Variants in TBC1D13 observed in about 807,000 individuals in gnomAD.
TBC1D13 encodes epididymis secretory sperm binding protein.
TBC1D13 carries 40 observed loss-of-function variants against 53.6 expected under a neutral mutation model. That is an observed-to-expected ratio of 0.75 (90% CI 0.58 to 0.97). The LOEUF is 0.97. TBC1D13 is among the 50% of genes least tolerant of loss of function. The probability of loss-of-function intolerance (pLI) is 0.00; values close to 1 mark genes in which losing one functional copy is unlikely to be tolerated. For synonymous variants in TBC1D13, 182 were observed against 197.7 expected (o/e 0.92, Z 0.67); for missense variants, 377 against 499.4 (o/e 0.75, Z 2.34).
intron 6 of TBC1D13, among the ~76,000 whole-genome samples, chr9:128,794,791 G>A (rs1829598438): frequency 6.6e-6 from 1 of 151,466 alleles, no homozygotes; most frequent in Admixed American, 6.6e-5. Flanking sequence ...TGTTTTACAT[G>A]GGTAGTGATC....
At chr9:128,791,186 G>A (rs1829525615) in intron 3 of TBC1D13, among the ~76,000 whole-genome samples, 194 bp from the exon 4 acceptor site, 1 of 152,148 alleles carries the variant, frequency 6.6e-6, no homozygotes, top group African/African-American at 2.4e-5. Context: ...GGCTGGTTTG[G>A]GTTAAAGGAG....
intron 8 of TBC1D13, 85 bp downstream of exon 8, chr9:128,803,545 T>A: frequency 1.5e-6 from 2 of 1,304,170 alleles, no homozygotes; most frequent in Non-Finnish European, 2.2e-6. Flanking sequence ...GCCTCTGTTC[T>A]CCCTCTGCCA....
intron 11 of TBC1D13, among the ~76,000 whole-genome samples, 156 bp from the exon 12 acceptor site, chr9:128,807,658 G>A (rs1829861784): frequency 6.6e-6 from 1 of 152,180 alleles, no homozygotes; most frequent in East Asian, 1.9e-4. Flanking sequence ...TGCATGCAGG[G>A]GTCTGGGGGT....
chr9:128,787,262 C>G lies in TBC1D13; in HGVS notation c.-92C>G. On this transcript the variant is annotated 5_prime_UTR_variant, in exon 1 of 12. Coordinates refer to ENST00000372648, the MANE Select transcript of TBC1D13 (RefSeq NM_018201.5). ...CCCGCCGGAGGCTTTTGCGCAGAGC[C>G]CCGCGTCCCTGGGGGGCGGCGGCGG... The G allele has an allele frequency of 8.2e-7, 1 of 1,215,926 alleles. No homozygotes were observed. Among genetic ancestry groups the G allele is most frequent in the Non-Finnish European group, 1.0e-6 (1 of 959,546 alleles). The allele number at this position is 1,215,926 out of a possible 1,614,324, so 75.3% of individuals were successfully genotyped here. A position where few individuals can be genotyped will look rare whatever the true frequency, so the allele number is the denominator to read the frequency against.
chr9:128,787,396 G>A lies in TBC1D13; in HGVS notation c.23+20G>A, dbSNP rs1392301497. ...GAGCCGGTAAGGGGCCATGGGGCCT[G>A]ACCCGGCTGGGCCACTCCTGGCCAG... is the stretch of plus-strand genomic sequence containing the variant. On this transcript the variant is annotated intron_variant, in intron 1 of 11. Transcript: ENST00000372648. 2.4e-6 allele frequency: 3 copies of A among 1,256,858 alleles called. No homozygotes were observed. In the African/African-American group the frequency reaches 4.6e-5, roughly 19 times the overall value. The allele number at this position is 1,256,858 out of a possible 1,614,324, so 77.9% of individuals were successfully genotyped here.
At chr9:128,788,290 C>T (rs770294595) in intron 1 of TBC1D13, 44 bp from the exon 2 acceptor site, 16 of 1,576,292 alleles carry the variant, frequency 1.0e-5, no homozygotes, top group African/African-American at 2.7e-5. Flanking sequence ...TCTCACTGAG[C>T]CGATATCAGC....
intron 1 of TBC1D13, among the ~76,000 whole-genome samples, chr9:128,788,006 TG>T (rs1829461169): frequency 6.6e-6 from 1 of 152,216 alleles, no homozygotes; most frequent in Admixed American, 6.5e-5. Flanking sequence ...CGGCAGGAAG[TG>T]CCCAGTAAAT....
In TBC1D13 at chr9:128,804,738, T is replaced by TG. The variant is rs1271850053; in HGVS notation, c.918+619_918+620insG. ...TTTTTCTGTTTTTTTTTTTTTTTTTTTTTTTTTGAGAAGGACTCTCTCTCT... is the reference window on the plus strand; with the variant it reads ...TTTTTCTGTTTTTTTTTTTTTTTTTTGTTTTTTTGAGAAGGACTCTCTCTCT... On this transcript the variant is annotated intron_variant, in intron 9 of 11. Coordinates refer to ENST00000372648, the MANE Select transcript of TBC1D13 (RefSeq NM_018201.5). Among the ~76,000 whole-genome samples, 164 of 139,032 alleles carry TG rather than the reference T, an allele frequency of 1.2e-3. 1 individual carries two copies. The highest frequency in any genetic ancestry group is 3.9e-3 in the African/African-American group (147 of 37,830). The allele number at this position is 139,032 out of a possible 152,430, so 91.2% of individuals were successfully genotyped here.
In TBC1D13 at chr9:128,807,980, G is replaced by T; in HGVS notation, c.*101G>T. The stretch of plus-strand genomic sequence containing the variant: ...CTGTAGGAACCCAGCCTGAGGGGAA[G>T]CCACAGGATCGGCCCGAGACCCAGG... On this transcript the variant is annotated 3_prime_UTR_variant, in exon 12 of 12. Transcript: ENST00000372648. 1 of 1,186,566 alleles carries T rather than the reference G, an allele frequency of 8.4e-7. No homozygotes were observed. Among genetic ancestry groups the T allele is most frequent in the Non-Finnish European group, 1.2e-6 (1 of 808,284 alleles). The allele number at this position is 1,186,566 out of a possible 1,614,324, so 73.5% of individuals were successfully genotyped here.
rs1375706899 is a variant in TBC1D13, at chr9:128,808,332, C to T, written c.*453C>T. 1 of 221,920 alleles carries T rather than the reference C, an allele frequency of 4.5e-6. No homozygotes were observed. The highest frequency in any genetic ancestry group is 9.3e-6 in the Non-Finnish European group (1 of 108,090). The allele number at this position is 221,920 out of a possible 1,614,324, so 13.7% of individuals were successfully genotyped here. On this transcript the variant is annotated 3_prime_UTR_variant, in exon 12 of 12. Transcript: ENST00000372648. Reference sequence around the variant, plus strand: ...GGGAAGGCGACACTGAAAGCTGAGTCCTGCCGTCTGTCTCACCCACAGATG... The same window carrying T: ...GGGAAGGCGACACTGAAAGCTGAGTTCTGCCGTCTGTCTCACCCACAGATG...
chr9:128,791,295 T>C, intron 3 of TBC1D13, 85 bp from the exon 4 acceptor site: 3 of 1,309,098 alleles, frequency 2.3e-6, no homozygotes, highest in Non-Finnish European at 3.3e-6. Flanking sequence ...TATGAGATGT[T>C]TTTCTTGAGG....
intron 9 of TBC1D13, 27 bp from the exon 10 acceptor site, chr9:128,805,832 C>G (rs563379221): frequency 6.2e-7 from 1 of 1,606,898 alleles, no homozygotes; most frequent in African/African-American, 1.3e-5. Flanking sequence ...AGAGTCATGC[C>G]CCCCACCCCC....
At chr9:128,806,099 G>T (rs1273718684) in intron 10 of TBC1D13, 80 bp downstream of exon 10, 1 of 1,583,724 alleles carries the variant, frequency 6.3e-7, no homozygotes, top group East Asian at 2.3e-5. Flanking sequence ...CCGCCCCGAA[G>T]GGTGGGCAGG....
At chr9:128,799,803 T>C (rs981685971) in intron 7 of TBC1D13, among the ~76,000 whole-genome samples, 3 of 152,212 alleles carry the variant, frequency 2.0e-5, no homozygotes, top group East Asian at 3.9e-4. Context: ...GGGCGGATCA[T>C]GAGGTCAGGA....
chr9:128,794,325 G>A (rs1829587290), intron 6 of TBC1D13, among the ~76,000 whole-genome samples: 1 of 152,208 alleles, frequency 6.6e-6, no homozygotes, highest in African/African-American at 2.4e-5. Flanking sequence ...CAGGCTGCAG[G>A]AAAAAGGAGG....
intron 11 of TBC1D13, 79 bp from the exon 12 acceptor site, chr9:128,807,735 G>A (rs1475043170): frequency 6.8e-6 from 10 of 1,464,024 alleles, no homozygotes; most frequent in South Asian, 2.3e-5. Context: ...GCATGGCAAC[G>A]GGTCCCAGCA....
intron 6 of TBC1D13, among the ~76,000 whole-genome samples, chr9:128,796,012 G>A (rs1323725552): frequency 6.6e-6 from 1 of 152,112 alleles, no homozygotes; most frequent in Admixed American, 6.6e-5. Flanking sequence ...CATAAAATGT[G>A]GGCATGTATA....
chr9:128,790,622 C>G, intron 2 of TBC1D13, 113 bp from the exon 3 acceptor site: 1 of 943,392 alleles, frequency 1.1e-6, no homozygotes, highest in Non-Finnish European at 1.5e-6. Flanking sequence ...GGAAATGATT[C>G]TTGAAGAAGT....
At chr9:128,805,837 AC>A (rs1364325647) in intron 9 of TBC1D13, 21 bp from the exon 10 acceptor site, 6 of 1,541,556 alleles carry the variant, frequency 3.9e-6, no homozygotes, top group East Asian at 4.8e-5. Context: ...CATGCCCCCC[AC>A]CCCCCACGCT....
Sources: allele counts gnomAD v4.1 joint callset (sites outside exome capture counted in the v4.1 genomes callset), GRCh38; gene constraint gnomAD v4.1.1; transcripts MANE v1.5; gene names NCBI Gene and HGNC (gene_info 2026-07-23, HGNC 2026-07-21).